The following CCDC149 variants were observed in gnomAD, a reference collection of about 807,000 sequenced individuals.
CCDC149 encodes the protein coiled-coil domain-containing protein 149.
A neutral mutation model predicts 59.9 loss-of-function variants in CCDC149; 45 were observed. The observed-to-expected ratio is 0.75, with a 90% CI of 0.59 to 0.96. CCDC149 has a LOEUF of 0.96. CCDC149 is among the 40% of genes least tolerant of loss of function. The probability of loss-of-function intolerance (pLI) is 0.00; values close to 1 mark genes in which losing one functional copy is unlikely to be tolerated. For synonymous variants in CCDC149, 245 were observed against 260.6 expected (o/e 0.94, Z 0.58); for missense variants, 584 against 664.7 (o/e 0.88, Z 1.33).
At chr4:24,937,380 C>T (rs986993438) in intron 1 of CCDC149, among the ~76,000 whole-genome samples, 1 of 152,152 alleles carries the variant, frequency 6.6e-6, no homozygotes, top group African/African-American at 2.4e-5. Flanking sequence ...ACCTATTGAC[C>T]AAATTTAGAT....
At position 24,834,844 on chromosome 4, in the gene CCDC149, C is replaced by T. The variant is rs552564661; in HGVS notation, c.820+104G>A. ...CGGGGAGCCACTGTTCTATGGATCG[C>T]CTCAGTTCCCAGACCACAAAAGCAG... On this transcript the variant is annotated intron_variant, in intron 8 of 12. Transcript: ENST00000635206. The T allele has an allele frequency of 1.9e-5, 15 of 776,004 alleles. No homozygotes were observed. The South Asian group carries it at 3.1e-4, about 16-fold the overall frequency. 48.1% of individuals were successfully genotyped at this position (776,004 alleles called of 1,614,324 possible).
intron 1 of CCDC149, among the ~76,000 whole-genome samples, chr4:24,944,113 C>A (rs1032978727): frequency 1.1e-4 from 16 of 152,234 alleles, no homozygotes; most frequent in African/African-American, 3.4e-4. Context: ...ATGTTTATTG[C>A]GGCACTATTC....
chr4:24,876,524 C>CCTAA lies in CCDC149; in HGVS notation c.225+8_225+11dup, dbSNP rs761450614. 1 of 1,611,088 alleles carries CCTAA rather than the reference C, an allele frequency of 6.2e-7. No homozygotes were observed. The highest frequency in any genetic ancestry group is 8.5e-7 in the Non-Finnish European group (1 of 1,177,960). ...ACAGGAAAGTCGCTGAACAGGGCAG[C>CCTAA]CTAACACTTACAATCAGCTCTCGGT... On this transcript the variant is annotated intron_variant, in intron 2 of 12. Transcript: ENST00000635206.
chr4:24,949,222 G>A (rs1440836572), intron 1 of CCDC149, among the ~76,000 whole-genome samples: 2 of 152,174 alleles, frequency 1.3e-5, no homozygotes, highest in Admixed American at 6.5e-5. Context: ...AGACCCCACA[G>A]AAATGTGGCA....
At chr4:24,898,057 C>G (rs985422070) in intron 1 of CCDC149, among the ~76,000 whole-genome samples, 4 of 152,316 alleles carry the variant, frequency 2.6e-5, no homozygotes, top group Admixed American at 2.6e-4. Context: ...GCAGAGCAAG[C>G]AGGCACAGCA....
intron 1 of CCDC149, among the ~76,000 whole-genome samples, chr4:24,971,880 T>C (rs1723980879): frequency 6.6e-6 from 1 of 152,230 alleles, no homozygotes; most frequent in Non-Finnish European, 1.5e-5. Flanking sequence ...TAATAAAACC[T>C]TGGTCTCCAC....
At chr4:24,970,270 C>T (rs1723919593) in intron 1 of CCDC149, among the ~76,000 whole-genome samples, 1 of 152,230 alleles carries the variant, frequency 6.6e-6, no homozygotes, top group East Asian at 1.9e-4. Context: ...ATCTGCACCA[C>T]CTTTCCAGCA....
chr4:24,978,828 A>G (rs924324567), intron 1 of CCDC149, among the ~76,000 whole-genome samples: 4 of 152,210 alleles, frequency 2.6e-5, no homozygotes, highest in African/African-American at 9.6e-5. Flanking sequence ...AAAATGCCCC[A>G]TATCCAGAAG....
chr4:24,931,836 T>TATGTGTATATATATATATAC, intron 1 of CCDC149, among the ~76,000 whole-genome samples: 1 of 101,710 alleles, frequency 9.8e-6, no homozygotes, highest in East Asian at 2.4e-4. Flanking sequence ...TATGTATATA[T>TATGTGTATATATATATATAC]ATATATATAT....
intron 3 of CCDC149, among the ~76,000 whole-genome samples, chr4:24,872,434 C>T (rs528898921): frequency 2.6e-4 from 39 of 152,170 alleles, no homozygotes; most frequent in African/African-American, 8.2e-4. Context: ...TATGTACCCA[C>T]GGAATGGCAT....
chr4:24,808,541 G>C lies in CCDC149; in HGVS notation c.1471C>G (p.Pro491Ala). ...TGGATGGCCAGGCCTGGCGGGGCTG[G>C]CCCCGTCTCACTCCTCTGACCTTCT... Residue 491 changes from proline (P) to alanine (A), a missense_variant, in exon 13 of 13, where the codon CCA (proline) becomes GCA (alanine). Coordinates refer to ENST00000635206, the MANE Select transcript of CCDC149 (RefSeq NM_001330643.2). 1 of 1,548,948 alleles carries C rather than the reference G, an allele frequency of 6.5e-7. No individual in the cohort carries two copies. Among genetic ancestry groups the C allele is most frequent in the South Asian group, 1.2e-5 (1 of 83,698 alleles).
At chr4:24,873,773 G>C (rs1319127192) in intron 2 of CCDC149, 54 bp from the exon 3 acceptor site, 1 of 1,400,644 alleles carries the variant, frequency 7.1e-7, no homozygotes, top group African/African-American at 1.4e-5. Context: ...GATGTACTTA[G>C]AAACAAGAAG....
At chr4:24,966,871 C>A (rs985072579) in intron 1 of CCDC149, among the ~76,000 whole-genome samples, 3 of 152,134 alleles carry the variant, frequency 2.0e-5, no homozygotes, top group African/African-American at 7.2e-5. Flanking sequence ...AAACACTGGG[C>A]GACTGGAGGC....
rs1553860831 is a variant in CCDC149 at position 24,912,930 on chromosome 4, G to GCGT, written c.-54_-52dup. On this transcript the variant is annotated 5_prime_UTR_variant, in exon 1 of 13. Transcript: ENST00000635206. Reference sequence around the variant, plus strand: ...GCCGCCTCCTCCTCCTCGCGACGTCGCGTCGCCGCCGCCGCCCGGGCCCCG... The same window carrying GCGT: ...GCCGCCTCCTCCTCCTCGCGACGTCGCGTCGTCGCCGCCGCCGCCCGGGCCCCG... 3.5e-6 allele frequency: 4 copies of GCGT among 1,132,856 alleles called. No homozygotes were observed. In the African/African-American group the frequency reaches 5.0e-5, roughly 14 times the overall value. The allele number at this position is 1,132,856 out of a possible 1,614,324, so 70.2% of individuals were successfully genotyped here. A position where few individuals can be genotyped will look rare whatever the true frequency, so the allele number is the denominator to read the frequency against.
chr4:24,942,602 G>A (rs980076984), intron 1 of CCDC149, among the ~76,000 whole-genome samples: 5 of 152,074 alleles, frequency 3.3e-5, no homozygotes, highest in African/African-American at 9.7e-5. Flanking sequence ...ATAGGAAGTC[G>A]AATTGTCCCT....
chr4:24,821,125 A>G, intron 10 of CCDC149, 38 bp from the exon 11 acceptor site: 2 of 1,190,714 alleles, frequency 1.7e-6, no homozygotes, highest in Non-Finnish European at 1.1e-6. Context: ...AATAATTGTT[A>G]TTGCATAATA....
intron 8 of CCDC149, 74 bp downstream of exon 8, chr4:24,834,874 C>T: frequency 8.9e-7 from 1 of 1,124,034 alleles, no homozygotes; most frequent in Non-Finnish European, 1.3e-6. Flanking sequence ...AAGCAGCAGC[C>T]TGGATGGGAT....
At chr4:24,968,810 C>T (rs577623640) in intron 1 of CCDC149, among the ~76,000 whole-genome samples, 7 of 152,228 alleles carry the variant, frequency 4.6e-5, no homozygotes, top group Non-Finnish European at 8.8e-5. Context: ...TGGGGCTTAA[C>T]CTTGTGGTTA....
intron 4 of CCDC149, among the ~76,000 whole-genome samples, chr4:24,838,947 G>C (rs1428616615): frequency 6.6e-6 from 1 of 151,690 alleles, no homozygotes; most frequent in Non-Finnish European, 1.5e-5. Flanking sequence ...TGTTAAGTGG[G>C]GGAAAAAAGA....
Sources: allele counts gnomAD v4.1 joint callset (sites outside exome capture counted in the v4.1 genomes callset), GRCh38; gene constraint gnomAD v4.1.1; transcripts MANE v1.5; gene names NCBI Gene and HGNC (gene_info 2026-07-23, HGNC 2026-07-21).